Variants in IMMP2L observed in about 807,000 individuals in gnomAD.
IMMP2L encodes mitochondrial inner membrane protease subunit 2.
Under a neutral mutation model 19.3 loss-of-function variants are expected in IMMP2L, and 18 were observed. That is an observed-to-expected ratio of 0.93 (90% CI 0.64 to 1.38). IMMP2L has a LOEUF of 1.38. Among genes scored for constraint, IMMP2L ranks in the 40% most tolerant of loss-of-function variants. The pLI is 0.00. For missense variants in IMMP2L, 233 were observed against 218.2 expected (o/e 1.07, Z -0.43); for synonymous variants, 76 against 73.0 (o/e 1.04, Z -0.21).
intron 5 of IMMP2L, among the ~76,000 whole-genome samples, chr7:110,778,217 A>G (rs1019541249): frequency 6.6e-6 from 1 of 151,972 alleles, no homozygotes; most frequent in Non-Finnish European, 1.5e-5. Context: ...TAATACTTCT[A>G]TCTAATAAGA....
chr7:111,106,805 G>C (rs957339313), intron 3 of IMMP2L, among the ~76,000 whole-genome samples: 2 of 150,670 alleles, frequency 1.3e-5, no homozygotes, highest in African/African-American at 4.9e-5. Context: ...AAAAAAAATG[G>C]AATCAACACA....
At chr7:111,316,845 CTTTTTTTTTTTTTTT>C (rs869155077) in intron 3 of IMMP2L, among the ~76,000 whole-genome samples, 1 of 75,896 alleles carries the variant, frequency 1.3e-5, no homozygotes, top group Non-Finnish European at 2.4e-5. Context: ...TTTTTTTTTT[CTTTTTTTTTTTTTTT>C]TTTTTTTTGA....
chr7:111,276,484 T>TC (rs1390118811), intron 3 of IMMP2L, among the ~76,000 whole-genome samples: 1 of 152,012 alleles, frequency 6.6e-6, no homozygotes, highest in East Asian at 1.9e-4. Flanking sequence ...AAGAATTCCC[T>TC]CCCCCTCAAT....
At chr7:111,553,524 T>C (rs1790920358) in intron 1 of IMMP2L, among the ~76,000 whole-genome samples, 1 of 152,158 alleles carries the variant, frequency 6.6e-6, no homozygotes, top group Non-Finnish European at 1.5e-5. Flanking sequence ...GTGCATATCA[T>C]GAAAATAAAC....
intron 4 of IMMP2L, among the ~76,000 whole-genome samples, chr7:110,944,947 T>C (rs930844994): frequency 6.6e-6 from 1 of 151,982 alleles, no homozygotes; most frequent in African/African-American, 2.4e-5. Flanking sequence ...AACTCCCTTA[T>C]ACACATTCCT....
At chr7:110,819,263 G>C (rs547791194) in intron 5 of IMMP2L, among the ~76,000 whole-genome samples, 1 of 151,966 alleles carries the variant, frequency 6.6e-6, no homozygotes, top group Non-Finnish European at 1.5e-5. Context: ...AGGTTACAGC[G>C]GAAGAGAAGC....
chr7:110,924,700 T>C lies in IMMP2L; in HGVS notation c.306-38005A>G, dbSNP rs965759315. Among the ~76,000 whole-genome samples, 9 of 152,150 alleles carry C rather than the reference T, an allele frequency of 5.9e-5. No individual in the cohort carries two copies. The highest frequency in any genetic ancestry group is 2.2e-4 in the African/African-American group (9 of 41,446). On this transcript the variant is annotated intron_variant, in intron 4 of 5. Coordinates refer to ENST00000405709, the MANE Select transcript of IMMP2L (RefSeq NM_032549.4). The surrounding 1 kb of genome is among the most constrained non-coding windows in gnomAD (Gnocchi z 4.2). ...CAGTGCTGAGACTCAACAATTTAAA[T>C]GGCCTCATTTCTTCTTTCAGTGCTT...
At chr7:111,268,506 AAAG>A (rs1818067053) in intron 3 of IMMP2L, among the ~76,000 whole-genome samples, 1 of 149,524 alleles carries the variant, frequency 6.7e-6, no homozygotes, top group Non-Finnish European at 1.5e-5. Flanking sequence ...AAAAAAAAAA[AAAG>A]GAGCCAGAAG....
intron 4 of IMMP2L, among the ~76,000 whole-genome samples, chr7:110,956,689 C>A (rs1347087208): frequency 6.6e-6 from 1 of 151,862 alleles, no homozygotes; most frequent in African/African-American, 2.4e-5. Flanking sequence ...AGAGTCCATT[C>A]CCTTACTTCA....
chr7:110,773,018 A>T (rs1049529238), intron 5 of IMMP2L, among the ~76,000 whole-genome samples: 24 of 152,068 alleles, frequency 1.6e-4, no homozygotes, highest in Non-Finnish European at 3.2e-4. Context: ...ATGGATTTTT[A>T]AAAAGCAATT....
At chr7:111,250,014 C>G (rs1815902968) in intron 3 of IMMP2L, among the ~76,000 whole-genome samples, 2 of 152,142 alleles carry the variant, frequency 1.3e-5, no homozygotes, top group Non-Finnish European at 1.5e-5. Flanking sequence ...ACCCCACCGT[C>G]TCAGCCCAAA....
chr7:111,239,548 T>C (rs1814748410), intron 3 of IMMP2L, among the ~76,000 whole-genome samples: 2 of 151,910 alleles, frequency 1.3e-5, no homozygotes, highest in African/African-American at 2.4e-5. Context: ...GGTTCTTAAT[T>C]TAGGTCTAGT....
At chr7:110,908,971 C>T (rs1812760125) in intron 4 of IMMP2L, among the ~76,000 whole-genome samples, 3 of 152,042 alleles carry the variant, frequency 2.0e-5, no homozygotes, top group African/African-American at 2.4e-5. Context: ...ATATCATACC[C>T]GTGGTAAAGA....
At chr7:111,083,461 T>C (rs1389391395) in intron 3 of IMMP2L, among the ~76,000 whole-genome samples, 1 of 152,162 alleles carries the variant, frequency 6.6e-6, no homozygotes, top group Non-Finnish European at 1.5e-5. Flanking sequence ...TTTGTCAATC[T>C]GGTTACACAT....
intron 5 of IMMP2L, among the ~76,000 whole-genome samples, chr7:110,872,408 T>TG (rs1808625217): frequency 1.3e-5 from 2 of 152,312 alleles, no homozygotes; most frequent in South Asian, 4.1e-4. Flanking sequence ...ATTGTACCTC[T>TG]GTCTCTGGCT....
At chr7:110,698,506 T>C (rs1794038199) in intron 5 of IMMP2L, among the ~76,000 whole-genome samples, 1 of 152,200 alleles carries the variant, frequency 6.6e-6, no homozygotes, top group Non-Finnish European at 1.5e-5. Context: ...GATGAGAGAA[T>C]ACCCTCCCCT....
At chr7:111,307,166 T>C (rs954004340) in intron 3 of IMMP2L, among the ~76,000 whole-genome samples, 2 of 151,604 alleles carry the variant, frequency 1.3e-5, no homozygotes, top group African/African-American at 4.8e-5. Context: ...TACCTTACTT[T>C]TGGATCCTAA....
At chr7:111,119,657 AG>A (rs1196261346) in intron 3 of IMMP2L, among the ~76,000 whole-genome samples, 2 of 152,242 alleles carry the variant, frequency 1.3e-5, no homozygotes, top group African/African-American at 2.4e-5. Context: ...GAATTACTTA[AG>A]TAACATGTAA....
At chr7:111,209,973 T>C (rs777359263) in intron 3 of IMMP2L, among the ~76,000 whole-genome samples, 3 of 152,196 alleles carry the variant, frequency 2.0e-5, no homozygotes, top group Non-Finnish European at 4.4e-5. Context: ...GTACTCTTCC[T>C]GTCCCCTCAG....
Sources: allele counts gnomAD v4.1 joint callset (sites outside exome capture counted in the v4.1 genomes callset), GRCh38; gene constraint gnomAD v4.1.1; non-coding constraint Gnocchi (gnomAD v3.1); transcripts MANE v1.5; gene names NCBI Gene and HGNC (gene_info 2026-07-23, HGNC 2026-07-21).